ADAM19: variants seen among roughly 807,000 people sequenced by gnomAD.
ADAM19 encodes disintegrin and metalloproteinase domain-containing protein 19.
Under a neutral mutation model 114.7 loss-of-function variants are expected in ADAM19, and 65 were observed. The observed-to-expected ratio is 0.57, with a 90% CI of 0.46 to 0.70. The LOEUF is 0.70. ADAM19 is among the 30% of genes least tolerant of loss of function. The pLI, the probability that ADAM19 is intolerant of heterozygous loss-of-function variation, is 0.00. For synonymous variants in ADAM19, 466 were observed against 460.5 expected (o/e 1.01, Z -0.15); for missense variants, 1,063 against 1,204.7 (o/e 0.88, Z 1.74).
At chr5:157,485,026 A>G (rs1754889481) in intron 21 of ADAM19, among the ~76,000 whole-genome samples, 1 of 152,218 alleles carries the variant, frequency 6.6e-6, no homozygotes, top group Non-Finnish European at 1.5e-5. Flanking sequence ...ACAGTCCCTC[A>G]GCTACTCTGG....
chr5:157,529,556 G>C (rs1251800669), intron 5 of ADAM19, among the ~76,000 whole-genome samples: 3 of 152,134 alleles, frequency 2.0e-5, no homozygotes, highest in Non-Finnish European at 4.4e-5. Flanking sequence ...AATCCAGTAG[G>C]TCTGCGTGGA....
intron 2 of ADAM19, chr5:157,570,635 C>T: frequency 2.7e-6 from 1 of 368,378 alleles, no homozygotes; most frequent in Non-Finnish European, 4.9e-6. Context: ...TTCTGTGACA[C>T]CAACACATCT....
chr5:157,481,188 A>G, intron 22 of ADAM19, 186 bp from the exon 23 acceptor site: 1 of 729,648 alleles, frequency 1.4e-6, no homozygotes, highest in Non-Finnish European at 2.2e-6. Context: ...GGGGTGTGGT[A>G]GGTGCCCCTA....
chr5:157,564,965 T>C (rs887750230), intron 2 of ADAM19, among the ~76,000 whole-genome samples: 4 of 152,228 alleles, frequency 2.6e-5, no homozygotes, highest in African/African-American at 9.6e-5. Context: ...ATATTGCCTA[T>C]TATCTTGTAA....
At chr5:157,567,877 AG>A (rs750082538) in intron 2 of ADAM19, 3 of 152,188 alleles carry the variant, frequency 2.0e-5, no homozygotes, top group Non-Finnish European at 4.4e-5. Context: ...TCCAAGAGGT[AG>A]GTAACCATGT....
intron 9 of ADAM19, among the ~76,000 whole-genome samples, chr5:157,509,077 A>G (rs1755832856): frequency 6.6e-6 from 1 of 152,280 alleles, no homozygotes; most frequent in Non-Finnish European, 1.5e-5. Flanking sequence ...TTCCCATTAG[A>G]CTGTAAACAT....
chr5:157,547,262 C>T (rs894145267), intron 3 of ADAM19, among the ~76,000 whole-genome samples: 1 of 152,146 alleles, frequency 6.6e-6, no homozygotes, highest in Non-Finnish European at 1.5e-5. Context: ...TGTCCAAGGT[C>T]CCACCACAAG....
intron 2 of ADAM19, among the ~76,000 whole-genome samples, chr5:157,564,840 C>T (rs1291860945): frequency 3.3e-5 from 5 of 152,172 alleles, no homozygotes; most frequent in Non-Finnish European, 5.9e-5. Flanking sequence ...TCAGTTTCTT[C>T]ATGTATGATA....
chr5:157,496,755 A>T, intron 14 of ADAM19, 139 bp downstream of exon 14: 1 of 690,036 alleles, frequency 1.4e-6, no homozygotes, highest in Non-Finnish European at 2.3e-6. Context: ...CTGAACATCT[A>T]CCCTGAGTCA....
intron 5 of ADAM19, among the ~76,000 whole-genome samples, chr5:157,521,133 G>C (rs79926592): frequency 1.3e-5 from 2 of 152,300 alleles, no homozygotes; most frequent in South Asian, 4.1e-4. Context: ...CATCACCAAG[G>C]CTTCTGAGGG....
chr5:157,526,820 C>T (rs1756478197), intron 5 of ADAM19, among the ~76,000 whole-genome samples: 2 of 151,996 alleles, frequency 1.3e-5, no homozygotes, highest in South Asian at 2.1e-4. Flanking sequence ...GGAGTTTTGC[C>T]ATGTCGGCCA....
intron 5 of ADAM19, among the ~76,000 whole-genome samples, chr5:157,521,825 C>T (rs1255127571): frequency 6.6e-6 from 1 of 152,216 alleles, no homozygotes; most frequent in Non-Finnish European, 1.5e-5. Flanking sequence ...TCTCAGCCAA[C>T]CAAGGCCTCT....
At chr5:157,507,208 G>A in intron 9 of ADAM19, 68 bp from the exon 10 acceptor site, 2 of 1,498,234 alleles carry the variant, frequency 1.3e-6, no homozygotes, top group Non-Finnish European at 1.9e-6. Flanking sequence ...GTGCCTGGGA[G>A]TAAGTGGCCA....
chr5:157,575,493 G>T, intron 1 of ADAM19, 110 bp downstream of exon 1: 1 of 754,042 alleles, frequency 1.3e-6, no homozygotes, highest in Non-Finnish European at 1.9e-6. Flanking sequence ...CGCAGGCCCC[G>T]CGGAGTTGCG....
In ADAM19 at chr5:157,478,667, A is replaced by G. The variant is rs1047945006; in HGVS notation, c.*2282T>C. ...ACAGAGCCAGGAGTGAAGCATTAGT[A>G]GAACTGGTTGCCGAAAGTCTATCAA... is the stretch of plus-strand genomic sequence containing the variant. On this transcript the variant is annotated 3_prime_UTR_variant, in exon 23 of 23. Coordinates refer to ENST00000257527, the MANE Select transcript of ADAM19 (RefSeq NM_033274.5). 3.0e-6 allele frequency: 3 copies of G among 985,800 alleles called. No homozygotes were observed. The African/African-American group carries it at 5.2e-5, about 17-fold the overall frequency. 61.1% of individuals were successfully genotyped at this position (985,800 alleles called of 1,614,324 possible).
intron 14 of ADAM19, among the ~76,000 whole-genome samples, 193 bp downstream of exon 14, chr5:157,496,701 A>G (rs1398577420): frequency 1.3e-5 from 2 of 152,230 alleles, no homozygotes; most frequent in African/African-American, 4.8e-5. Context: ...CTGAGAAATA[A>G]AAGCATCAAG....
chr5:157,554,569 G>A (rs760300757), intron 3 of ADAM19, among the ~76,000 whole-genome samples: 2 of 152,210 alleles, frequency 1.3e-5, no homozygotes, highest in Non-Finnish European at 2.9e-5. Context: ...ACTGGGCATC[G>A]CTGGAGAGCA....
chr5:157,564,626 C>G (rs566293108), intron 2 of ADAM19, among the ~76,000 whole-genome samples, 183 bp from the exon 3 acceptor site: 1 of 152,324 alleles, frequency 6.6e-6, no homozygotes, highest in East Asian at 1.9e-4. Flanking sequence ...ATCCTTCCCC[C>G]ATCTGCTTTC....
chr5:157,495,604 T>A (rs1180543464), intron 14 of ADAM19, among the ~76,000 whole-genome samples: 2 of 152,132 alleles, frequency 1.3e-5, no homozygotes, highest in African/African-American at 4.8e-5. Context: ...CTTCTAGAGA[T>A]AATCTATCTA....
Sources: allele counts gnomAD v4.1 joint callset (sites outside exome capture counted in the v4.1 genomes callset), GRCh38; gene constraint gnomAD v4.1.1; transcripts MANE v1.5; gene names NCBI Gene and HGNC (gene_info 2026-07-23, HGNC 2026-07-21).